Variants in NCS1 observed in about 807,000 individuals in gnomAD.
The protein encoded by NCS1 is frequenin homolog.
In NCS1, 6 loss-of-function variants were observed where a neutral mutation model predicts 28.4. The observed-to-expected ratio is 0.21, with a 90% CI of 0.12 to 0.42. NCS1 has a LOEUF of 0.42. Ranked by LOEUF, NCS1 falls within the 10% of genes least tolerant of loss-of-function variation. NCS1 has a pLI of 1.00. For synonymous variants in NCS1, 86 were observed against 99.3 expected, an observed-to-expected ratio of 0.87 and a Z score of 0.79; for missense variants, 131 against 241.4, an observed-to-expected ratio of 0.54 and a Z score of 3.03.
At chr9:130,205,483 G>T (rs2131139524) in intron 2 of NCS1, among the ~76,000 whole-genome samples, 1 of 146,708 alleles carries the variant, frequency 6.8e-6, no homozygotes, top group South Asian at 2.2e-4. Flanking sequence ...GGTCGAGGCT[G>T]CAATGAGCTA....
chr9:130,184,393 T>G (rs1483707432), intron 1 of NCS1, among the ~76,000 whole-genome samples: 1 of 152,034 alleles, frequency 6.6e-6, no homozygotes, highest in African/African-American at 2.4e-5. Flanking sequence ...GCCCTCAGAC[T>G]TCATCTGTGA....
intron 2 of NCS1, among the ~76,000 whole-genome samples, chr9:130,207,387 C>T (rs1833039673): frequency 6.6e-6 from 1 of 152,242 alleles, no homozygotes; most frequent in Non-Finnish European, 1.5e-5. Flanking sequence ...TGTCCCTCAC[C>T]TGTGCCGAGC....
At chr9:130,195,663 A>G (rs1245977228) in intron 1 of NCS1, among the ~76,000 whole-genome samples, 2 of 152,202 alleles carry the variant, frequency 1.3e-5, no homozygotes, top group Admixed American at 1.3e-4. Context: ...GCCTCGAGTA[A>G]TCCGCCCACC....
rs1832595421 is a variant in NCS1 at position 130,177,814 on chromosome 9, A to T, written c.64+5087A>T. On this transcript the variant is annotated intron_variant, in intron 1 of 7. Coordinates refer to ENST00000372398, the MANE Select transcript of NCS1 (RefSeq NM_014286.4). The surrounding 1 kb of genome is among the most constrained non-coding windows in gnomAD (Gnocchi z 4.4). ...TCCGGGGAGCGGGCCAGAAAGACAA[A>T]GGGGTTGTTTGGCAGGAGAGTCCCT... Among the ~76,000 whole-genome samples the T allele has an allele frequency of 6.6e-6, 1 of 152,170 alleles. No homozygotes were observed. Among genetic ancestry groups the T allele is most frequent in the Admixed American group, 6.5e-5 (1 of 15,274 alleles).
At chr9:130,178,128 G>T (rs1554904781) in intron 1 of NCS1, among the ~76,000 whole-genome samples, 1 of 152,330 alleles carries the variant, frequency 6.6e-6, no homozygotes, top group African/African-American at 2.4e-5. Flanking sequence ...GCCTCCTGAA[G>T]TGTTGGGATT....
intron 1 of NCS1, among the ~76,000 whole-genome samples, chr9:130,189,875 AAAAAATATATAT>A (rs1234336284): frequency 2.5e-4 from 23 of 91,434 alleles, no homozygotes; most frequent in Admixed American, 5.2e-4. Context: ...AAAAAAAAAA[AAAAAATATATAT>A]ATATATATAT....
At chr9:130,202,558 T>A (rs1490590852) in intron 2 of NCS1, among the ~76,000 whole-genome samples, 1 of 147,466 alleles carries the variant, frequency 6.8e-6, no homozygotes, top group Admixed American at 6.9e-5. Flanking sequence ...ACAGGCATCG[T>A]CCTTGGTGCT....
chr9:130,220,842 G>A (rs1554910169), intron 4 of NCS1, among the ~76,000 whole-genome samples: 2 of 149,388 alleles, frequency 1.3e-5, no homozygotes, highest in Admixed American at 6.7e-5. Context: ...AATGTTGACT[G>A]TAGCAGGCCA....
At chr9:130,174,190 T>G (rs1286260348) in intron 1 of NCS1, among the ~76,000 whole-genome samples, 1 of 152,210 alleles carries the variant, frequency 6.6e-6, no homozygotes, top group Non-Finnish European at 1.5e-5. Flanking sequence ...GTGGACTTCC[T>G]GGGTCCCTGT....
rs1292341911 is a variant in NCS1 at position 130,233,345 on chromosome 9, A to T, written c.*373A>T. 2.0e-5 allele frequency: 3 copies of T among 152,134 alleles called. No individual in the cohort carries two copies. The East Asian group carries it at 5.8e-4, about 29-fold the overall frequency. 9.4% of individuals were successfully genotyped at this position (152,134 alleles called of 1,614,324 possible). ...CAGACGTTTTAAAAGAAAAAAAAAC[A>T]ACTACCTTCTGTCCTAGAAGACACA... On this transcript the variant is annotated 3_prime_UTR_variant, in exon 8 of 8. Transcript: ENST00000372398. This position sits in a 1 kb window ranked among gnomAD's most constrained non-coding sequence, Gnocchi z 4.8.
intron 1 of NCS1, among the ~76,000 whole-genome samples, chr9:130,188,839 C>T (rs1490460006): frequency 6.6e-6 from 1 of 152,160 alleles, no homozygotes; most frequent in East Asian, 1.9e-4. Flanking sequence ...GTTTCAGCCT[C>T]CCGAGTAACT....
rs1554907424 is a variant in NCS1 at position 130,200,990 on chromosome 9, G to C, written c.89+8G>C. ...GAAGGAGGTCCAGCAGTGGTGAGTA[G>C]CTGCTTTTTCTCAAACCGTAGAGGG... On this transcript the variant is annotated splice_region_variant and intron_variant, in intron 2 of 7. Coordinates refer to ENST00000372398, the MANE Select transcript of NCS1 (RefSeq NM_014286.4). 4 of 1,614,058 alleles carry C rather than the reference G, an allele frequency of 2.5e-6. No homozygotes were observed. Among genetic ancestry groups the C allele is most frequent in the Non-Finnish European group, 3.4e-6 (4 of 1,180,050 alleles).
intron 2 of NCS1, among the ~76,000 whole-genome samples, chr9:130,216,664 C>T (rs978244772): frequency 3.3e-5 from 5 of 150,440 alleles, no homozygotes; most frequent in Admixed American, 6.7e-5. Context: ...TGCAGTGAGC[C>T]GTGATCCTGC....
At chr9:130,218,618 G>T (rs1367562676) in intron 3 of NCS1, among the ~76,000 whole-genome samples, 1 of 150,446 alleles carries the variant, frequency 6.6e-6, no homozygotes, top group African/African-American at 2.5e-5. Context: ...TTGAGACAGA[G>T]TCTTGCTCTG....
chr9:130,182,817 C>T (rs797042521), intron 1 of NCS1, among the ~76,000 whole-genome samples: 4 of 152,360 alleles, frequency 2.6e-5, no homozygotes, highest in African/African-American at 9.6e-5. Flanking sequence ...GACTGAGTGC[C>T]CCTGGCCATC....
chr9:130,179,381 ATATTT>A (rs1435442617), intron 1 of NCS1, among the ~76,000 whole-genome samples: 1 of 152,194 alleles, frequency 6.6e-6, no homozygotes, highest in East Asian at 1.9e-4. Flanking sequence ...TGGACAGAAC[ATATTT>A]TATTTAATCT....
chr9:130,198,557 G>GT (rs1375869000), intron 1 of NCS1, among the ~76,000 whole-genome samples: 3 of 152,178 alleles, frequency 2.0e-5, no homozygotes, highest in African/African-American at 4.8e-5. Context: ...CCTGGCAAAG[G>GT]GACCTCAGGT....
At chr9:130,183,196 T>C (rs1832686552) in intron 1 of NCS1, among the ~76,000 whole-genome samples, 1 of 152,190 alleles carries the variant, frequency 6.6e-6, no homozygotes, top group South Asian at 2.1e-4. Flanking sequence ...CAGCCTGGCT[T>C]GCTGTGGCCT....
Position 130,209,437 on chromosome 9 carries a change from A to ACCCGTGT in NCS1, c.90-8395_90-8394insCCCGTGT, listed in dbSNP as rs1554908479. ...CTCAGAGAACTAGAGGCCAAAGTGG[A>ACCCGTGT]GTTGGACCCGTGTGTCCTGGGAGCA... is the stretch of plus-strand genomic sequence containing the variant. On this transcript the variant is annotated intron_variant, in intron 2 of 7. Transcript: ENST00000372398. This position sits in a 1 kb window ranked among gnomAD's most constrained non-coding sequence, Gnocchi z 4.4. 6.6e-6 allele frequency among the ~76,000 whole-genome samples: 1 copy of ACCCGTGT among 152,162 alleles called. No individual in the cohort carries two copies. Among genetic ancestry groups the ACCCGTGT allele is most frequent in the Non-Finnish European group, 1.5e-5 (1 of 68,040 alleles).
Sources: allele counts gnomAD v4.1 joint callset (sites outside exome capture counted in the v4.1 genomes callset), GRCh38; gene constraint gnomAD v4.1.1; non-coding constraint Gnocchi (gnomAD v3.1); transcripts MANE v1.5; gene names NCBI Gene and HGNC (gene_info 2026-07-23, HGNC 2026-07-21).